Variants in LAMA2 observed in about 807,000 individuals in gnomAD.
LAMA2 encodes laminin subunit alpha-2.
LAMA2 carries 269 observed loss-of-function variants against 364.8 expected under a neutral mutation model. The observed-to-expected ratio is 0.74, with a 90% confidence interval of 0.67 to 0.82. LAMA2 has a LOEUF of 0.82. Among genes scored for constraint, LAMA2 ranks in the 40% least tolerant of loss-of-function variants. The probability of loss-of-function intolerance (pLI) is 0.00; values close to 1 mark genes in which losing one functional copy is unlikely to be tolerated. For synonymous variants in LAMA2, 1,379 were observed against 1,370.6 expected, an observed-to-expected ratio of 1.01 and a Z score of -0.14; for missense variants, 3,807 against 3,873.2, an observed-to-expected ratio of 0.98 and a Z score of 0.45.
intron 18 of LAMA2, among the ~76,000 whole-genome samples, chr6:129,287,050 GCAAGGAAGGAAGGAAGGGAGGAA>G (rs1789305032): frequency 4.1e-4 from 7 of 17,098 alleles, no homozygotes; most frequent in Non-Finnish European, 6.2e-4. Context: ...AAGGAAGGAA[GCAAGGAAGGAAGGAAGGGAGGAA>G]AGAGGGAGGG....
At chr6:129,363,001 C>T (rs1205115954) in intron 32 of LAMA2, among the ~76,000 whole-genome samples, 1 of 152,138 alleles carries the variant, frequency 6.6e-6, no homozygotes, top group Non-Finnish European at 1.5e-5. Context: ...CCTTTGGCTA[C>T]ATGGTTTTTC....
chr6:129,480,463 A>G (rs1784291252), intron 54 of LAMA2, among the ~76,000 whole-genome samples: 1 of 152,082 alleles, frequency 6.6e-6, no homozygotes, highest in Admixed American at 6.6e-5. Flanking sequence ...CATATGTAAG[A>G]AAAAAAAGTC....
intron 35 of LAMA2, among the ~76,000 whole-genome samples, chr6:129,383,512 CTTTTG>C (rs917563277): frequency 4.6e-5 from 7 of 152,050 alleles, no homozygotes; most frequent in African/African-American, 1.2e-4. Flanking sequence ...GAATAGGCAA[CTTTTG>C]TTTTGTTATT....
At chr6:129,112,885 A>G (rs1251318398) in intron 4 of LAMA2, among the ~76,000 whole-genome samples, 1 of 151,990 alleles carries the variant, frequency 6.6e-6, no homozygotes, top group Non-Finnish European at 1.5e-5. Context: ...AATTGAGTAG[A>G]GAGGCTGCTT....
intron 3 of LAMA2, among the ~76,000 whole-genome samples, chr6:129,070,840 G>T (rs1013837349): frequency 6.6e-6 from 1 of 152,116 alleles, no homozygotes; most frequent in Non-Finnish European, 1.5e-5. Flanking sequence ...GTGGATCTGT[G>T]TGTATCTAAG....
intron 64 of LAMA2, 23 bp from the exon 65 acceptor site, chr6:129,516,167 C>T (rs750042651): frequency 1.2e-6 from 2 of 1,613,606 alleles, no homozygotes; most frequent in Admixed American, 1.7e-5. Context: ...CAAAGCTGAG[C>T]CCTCTTGCAT....
At chr6:128,954,641 G>T (rs1781031942) in intron 1 of LAMA2, among the ~76,000 whole-genome samples, 1 of 151,870 alleles carries the variant, frequency 6.6e-6, no homozygotes, top group Non-Finnish European at 1.5e-5. Context: ...TGTCATATGG[G>T]ATAAATCTAA....
At chr6:129,166,415 C>T (rs1386410939) in intron 9 of LAMA2, among the ~76,000 whole-genome samples, 5 of 151,960 alleles carry the variant, frequency 3.3e-5, no homozygotes, top group Non-Finnish European at 7.4e-5. Context: ...TGTTTTTTTC[C>T]CTAATGACTT....
intron 37 of LAMA2, among the ~76,000 whole-genome samples, chr6:129,400,129 G>A (rs767555725): frequency 3.6e-4 from 55 of 152,160 alleles, no homozygotes; most frequent in African/African-American, 1.3e-3. Flanking sequence ...CATAGACACC[G>A]TTTTCACTGT....
At chr6:129,113,009 G>T (rs1468240999) in intron 4 of LAMA2, among the ~76,000 whole-genome samples, 2 of 152,042 alleles carry the variant, frequency 1.3e-5, no homozygotes, top group African/African-American at 4.8e-5. Context: ...CATAGAAACA[G>T]ATTTTAGGCA....
chr6:129,272,374 T>C (rs1300413819), intron 17 of LAMA2, among the ~76,000 whole-genome samples: 1 of 152,162 alleles, frequency 6.6e-6, no homozygotes, highest in Non-Finnish European at 1.5e-5. Context: ...ATAGGGTTGA[T>C]GTGGGAAAGA....
At chr6:129,402,558 G>A in intron 39 of LAMA2, 71 bp downstream of exon 39, 1 of 1,418,106 alleles carries the variant, frequency 7.1e-7, no homozygotes, top group Admixed American at 1.8e-5. Flanking sequence ...AGCATAAATA[G>A]TAGAGAATCA....
intron 14 of LAMA2, among the ~76,000 whole-genome samples, chr6:129,259,360 A>T (rs1290853165): frequency 6.6e-6 from 1 of 152,074 alleles, no homozygotes; most frequent in Admixed American, 6.6e-5. Context: ...AAAATCTACC[A>T]TCACTCCTGA....
intron 1 of LAMA2, among the ~76,000 whole-genome samples, chr6:128,961,322 T>TAG (rs1781481427): frequency 2.2e-4 from 5 of 22,828 alleles, no homozygotes; most frequent in Admixed American, 1.8e-3. Flanking sequence ...TAATATGATA[T>TAG]ATATATATAT....
chr6:129,098,303 GC>G lies in LAMA2; in HGVS notation c.529del (p.Leu177Ter). 6.2e-7 allele frequency: 1 copy of G among 1,614,060 alleles called. No individual in the cohort carries two copies. Reference protein sequence around the residue: ...WQYHAVTDTECLTLYNIYPRT... With the variant: ...WQYHAVTDTEXLTLYNIYPRT... Reference sequence around the variant, plus strand: ...TATCATGCTGTGACAGACACGGAGTGCCTAACGCTTTACAATATTTATCCCC... The same window carrying G: ...TATCATGCTGTGACAGACACGGAGTGCTAACGCTTTACAATATTTATCCCC... On this transcript the variant is annotated frameshift_variant, in exon 4 of 65. Coordinates refer to ENST00000421865, the MANE Select transcript of LAMA2 (RefSeq NM_000426.4). LOFTEE classifies it high-confidence loss of function.
At chr6:129,175,621 C>T (rs1583192096) in intron 9 of LAMA2, among the ~76,000 whole-genome samples, 1 of 152,102 alleles carries the variant, frequency 6.6e-6, no homozygotes, top group African/African-American at 2.4e-5. Context: ...TGTTCTTACT[C>T]GTAAGTGGGA....
chr6:129,149,673 A>G (rs976782559), intron 7 of LAMA2, among the ~76,000 whole-genome samples: 7 of 152,176 alleles, frequency 4.6e-5, no homozygotes, highest in Non-Finnish European at 8.8e-5. Flanking sequence ...TTCCCCACCT[A>G]TAAGATATAA....
intron 12 of LAMA2, among the ~76,000 whole-genome samples, chr6:129,208,743 G>GAGGA (rs977535762): frequency 2.7e-5 from 4 of 147,174 alleles, no homozygotes; most frequent in South Asian, 2.2e-4. Flanking sequence ...AGGAGGGAGG[G>GAGGA]AGGAAGGAAG....
intron 53 of LAMA2, among the ~76,000 whole-genome samples, 164 bp downstream of exon 53, chr6:129,475,565 C>T (rs891232519): frequency 1.3e-5 from 2 of 151,636 alleles, no homozygotes; most frequent in African/African-American, 4.8e-5. Context: ...CCTGCTGCCC[C>T]TTGCTGGCCG....
Sources: allele counts gnomAD v4.1 joint callset (sites outside exome capture counted in the v4.1 genomes callset), GRCh38; gene constraint gnomAD v4.1.1; transcripts MANE v1.5; gene names NCBI Gene and HGNC (gene_info 2026-07-23, HGNC 2026-07-21).